CSE1L: variants seen among roughly 807,000 people sequenced by gnomAD.
CSE1L encodes chromosome segregation 1 like, also known as exportin-2.
CSE1L carries 24 observed loss-of-function variants against 120.4 expected under a neutral mutation model. That is an observed-to-expected ratio of 0.20 (90% confidence interval 0.14 to 0.28). CSE1L has a LOEUF of 0.28. Ranked by LOEUF, CSE1L falls within the 10% of genes least tolerant of loss-of-function variation. The pLI is 1.00. For synonymous variants in CSE1L, 402 were observed against 398.3 expected (o/e 1.01, Z -0.11); for missense variants, 830 against 1,145.2 (o/e 0.72, Z 3.97).
intron 23 of CSE1L, 66 bp from the exon 24 acceptor site, chr20:49,094,666 A>T (rs1246814653): frequency 9.2e-7 from 1 of 1,092,476 alleles, no homozygotes; most frequent in Non-Finnish European, 1.4e-6. Context: ...TCTCTGAGCA[A>T]TTGCTGGTTT....
At chr20:49,057,606 C>T (rs1034164726) in intron 1 of CSE1L, among the ~76,000 whole-genome samples, 1 of 152,010 alleles carries the variant, frequency 6.6e-6, no homozygotes, top group Non-Finnish European at 1.5e-5. Flanking sequence ...GCACCCACTA[C>T]CATGCCTGGC....
chr20:49,058,581 T>G (rs1337862054), intron 2 of CSE1L, 33 bp downstream of exon 2: 1 of 1,546,178 alleles, frequency 6.5e-7, no homozygotes, highest in Non-Finnish European at 8.9e-7. Context: ...GGTTGATTAA[T>G]TCCTTCAGGA....
rs765061507 is a variant in CSE1L, at chr20:49,075,391, A to G, written c.1206A>G (p.Thr402=). The change falls in exon 12 of 25, where the codon ACA becomes ACG. Residue 402 remains threonine, a synonymous_variant. Transcript: ENST00000262982. The part of the protein sequence containing the change: ...GLCKFFEGPV[T]GIFSGYVNSM... ...GCAAGTTTTTTGAGGGACCTGTGAC[A>G]GGAATCTTCTCTGGTTATGTTAATT... The G allele has an allele frequency of 6.8e-6, 11 of 1,614,102 alleles. No homozygotes were observed. In the South Asian group the frequency reaches 8.8e-5, roughly 13 times the overall value.
chr20:49,085,265 C>T lies in CSE1L; in HGVS notation c.1620-18C>T. 1 of 1,600,974 alleles carries T rather than the reference C, an allele frequency of 6.2e-7. No homozygotes were observed. Among genetic ancestry groups the T allele is most frequent in the Non-Finnish European group, 8.6e-7 (1 of 1,168,246 alleles). ...CTCAAGAGTTGGTAGTGACTGAAAG[C>T]TGTTTTTTCATCTATAGCTTTACAG... On this transcript the variant is annotated intron_variant, in intron 15 of 24. Coordinates refer to ENST00000262982, the MANE Select transcript of CSE1L (RefSeq NM_001316.4).
intron 17 of CSE1L, among the ~76,000 whole-genome samples, chr20:49,088,749 C>T (rs867874558): frequency 1.3e-5 from 2 of 152,026 alleles, no homozygotes; most frequent in African/African-American, 2.4e-5. Flanking sequence ...AGGGATGGAG[C>T]GGGGAGGGAA....
intron 1 of CSE1L, among the ~76,000 whole-genome samples, chr20:49,052,879 A>G (rs560451313): frequency 7.9e-5 from 12 of 152,260 alleles, no homozygotes; most frequent in African/African-American, 2.9e-4. Flanking sequence ...CAGCCACTGC[A>G]CCTGGCCAGG....
intron 5 of CSE1L, among the ~76,000 whole-genome samples, chr20:49,066,817 TCAGGAGTTTGAGACCAG>T (rs1340673829): frequency 1.3e-5 from 2 of 151,740 alleles, no homozygotes; most frequent in African/African-American, 4.8e-5. Context: ...TCACCTGAGG[TCAGGAGTTTGAGACCAG>T]CCTGGCCAAC....
intron 14 of CSE1L, among the ~76,000 whole-genome samples, chr20:49,082,544 C>T (rs896634992): frequency 3.3e-5 from 5 of 151,936 alleles, no homozygotes; most frequent in African/African-American, 9.7e-5. Context: ...TTCGCTCTGT[C>T]GCTCAGTGCA....
chr20:49,063,290 C>T lies in CSE1L; in HGVS notation c.174C>T (p.Ile58=). The change falls in exon 3 of 25, where the codon ATC becomes ATT. Residue 58 remains isoleucine (I), a synonymous_variant. Coordinates refer to ENST00000262982, the MANE Select transcript of CSE1L (RefSeq NM_001316.4). The stretch of plus-strand genomic sequence containing the variant: ...TGGAGAAGTCCCAGGATAATGTTAT[C>T]AAAGTATGTGCTTCAGTAACATTCA... ...TLLEKSQDNV[I]KVCASVTFKN... 1 of 1,566,108 alleles carries T rather than the reference C, an allele frequency of 6.4e-7. No homozygotes were observed. The highest frequency in any genetic ancestry group is 8.7e-7 in the Non-Finnish European group (1 of 1,150,932).
At chr20:49,068,928 G>GA (rs2091912841) in intron 7 of CSE1L, 106 bp downstream of exon 7, 1 of 804,666 alleles carries the variant, frequency 1.2e-6, no homozygotes, top group Admixed American at 2.5e-5. Flanking sequence ...TTTTCTGAAA[G>GA]AAAAGGTTTT....
intron 1 of CSE1L, among the ~76,000 whole-genome samples, chr20:49,047,968 T>G (rs1287258981): frequency 6.6e-6 from 1 of 152,102 alleles, no homozygotes; most frequent in Non-Finnish European, 1.5e-5. Flanking sequence ...CTTGCTTACT[T>G]CTCTCTCCCT....
At chr20:49,048,117 C>T (rs1456177573) in intron 1 of CSE1L, among the ~76,000 whole-genome samples, 3 of 148,442 alleles carry the variant, frequency 2.0e-5, no homozygotes, top group African/African-American at 7.5e-5. Context: ...ATAGTCATAT[C>T]TTTGGCCTTT....
intron 2 of CSE1L, among the ~76,000 whole-genome samples, chr20:49,059,009 T>C (rs889157147): frequency 3.3e-5 from 5 of 151,902 alleles, no homozygotes; most frequent in Admixed American, 3.3e-4. Context: ...CGGGTGCCTG[T>C]GGTCCCAGCT....
chr20:49,071,054 C>T (rs977337453), intron 8 of CSE1L, among the ~76,000 whole-genome samples: 3 of 152,214 alleles, frequency 2.0e-5, no homozygotes, highest in Non-Finnish European at 4.4e-5. Flanking sequence ...ACATATAACA[C>T]TTATTCTGTG....
At chr20:49,053,147 C>CT (rs71184250) in intron 1 of CSE1L, among the ~76,000 whole-genome samples, 21,568 of 121,264 alleles carry the variant, frequency 0.18, 2,116 homozygotes, top group Non-Finnish European at 0.21. Flanking sequence ...CCCTGTCTCT[C>CT]TTTTTTTTTT....
At chr20:49,046,461 C>G (rs2091711031) in intron 1 of CSE1L, 38 bp downstream of exon 1, 2 of 152,332 alleles carry the variant, frequency 1.3e-5, no homozygotes, top group Non-Finnish European at 2.9e-5. Flanking sequence ...CAGAGTGGCT[C>G]TTGGGGCCCA....
chr20:49,067,238 T>C lies in CSE1L; in HGVS notation c.525T>C (p.Leu175=), dbSNP rs372336608. ...ACGAGTTATGGACTGAAATTAAGCT[T>C]GTTCTGGATGCCTTTGCTTTGCCTT... The part of the protein sequence containing the change: ...KSNELWTEIK[L]VLDAFALPLT... Residue 175 remains leucine (L), a synonymous_variant, in exon 6 of 25, where the codon CTT becomes CTC. Coordinates refer to ENST00000262982, the MANE Select transcript of CSE1L (RefSeq NM_001316.4). 4.3e-5 allele frequency: 69 copies of C among 1,612,078 alleles called. No homozygotes were observed. Among genetic ancestry groups the C allele is most frequent in the South Asian group, 7.7e-5 (7 of 90,718 alleles).
chr20:49,090,917 G>A lies in CSE1L; in HGVS notation c.2280-20G>A. Reference sequence around the variant, plus strand: ...AGAAAAGTCCTAAATTTATATTGTTGATTTTTTTTAATTCTTTAGTGAATC... The same window carrying A: ...AGAAAAGTCCTAAATTTATATTGTTAATTTTTTTTAATTCTTTAGTGAATC... On this transcript the variant is annotated intron_variant, in intron 20 of 24. Transcript: ENST00000262982. 1.9e-6 allele frequency: 3 copies of A among 1,596,578 alleles called. No individual in the cohort carries two copies. The highest frequency in any genetic ancestry group is 2.6e-6 in the Non-Finnish European group (3 of 1,168,920).
chr20:49,057,013 C>T (rs886998329), intron 1 of CSE1L, among the ~76,000 whole-genome samples: 1 of 152,092 alleles, frequency 6.6e-6, no homozygotes, highest in East Asian at 1.9e-4. Flanking sequence ...GTTAAATCGA[C>T]GTAGGCCATT....
Sources: gnomAD v4.1 joint callset for allele counts (sites outside exome capture counted in the v4.1 genomes callset) on GRCh38, gnomAD v4.1.1 for gene constraint, MANE v1.5 for transcripts, NCBI Gene and HGNC (gene_info 2026-07-23, HGNC 2026-07-21) for gene names.